The following SLC39A11 variants were observed in gnomAD, a reference collection of about 807,000 sequenced individuals.
The protein encoded by SLC39A11 is zinc transporter ZIP11.
A neutral mutation model predicts 36.1 loss-of-function variants in SLC39A11; 33 were observed. The observed-to-expected ratio is 0.91, with a 90% CI of 0.69 to 1.22. The LOEUF is 1.22. Among genes scored for constraint, SLC39A11 ranks in the 50% most tolerant of loss-of-function variants. The pLI is 0.00. For missense variants in SLC39A11, 432 were observed against 430.3 expected (o/e 1.00, Z -0.03); for synonymous variants, 166 against 170.3 (o/e 0.97, Z 0.20).
chr17:72,925,936 T>A (rs995980475), intron 5 of SLC39A11, among the ~76,000 whole-genome samples: 8 of 152,234 alleles, frequency 5.3e-5, no homozygotes, highest in Non-Finnish European at 1.0e-4. Context: ...CCACTGAGAT[T>A]TGAGGTTTCC....
intron 3 of SLC39A11, among the ~76,000 whole-genome samples, chr17:73,051,971 G>A (rs776180270): frequency 2.0e-5 from 3 of 151,714 alleles, no homozygotes; most frequent in Admixed American, 1.3e-4. Flanking sequence ...ATTCAGACCC[G>A]TGTCACCTCT....
At chr17:72,951,382 G>A (rs1053465842) in intron 4 of SLC39A11, among the ~76,000 whole-genome samples, 22 of 151,824 alleles carry the variant, frequency 1.4e-4, no homozygotes, top group African/African-American at 5.1e-4. Flanking sequence ...GAAACTCACA[G>A]ACCCTCTTTT....
intron 4 of SLC39A11, among the ~76,000 whole-genome samples, chr17:72,993,919 C>CA (rs2089341310): frequency 6.6e-6 from 1 of 152,144 alleles, no homozygotes; most frequent in Non-Finnish European, 1.5e-5. Context: ...CCACAATTCC[C>CA]ACATGTCCTG....
At chr17:72,693,660 C>T (rs758488448) in intron 7 of SLC39A11, among the ~76,000 whole-genome samples, 1 of 152,154 alleles carries the variant, frequency 6.6e-6, no homozygotes, top group African/African-American at 2.4e-5. Flanking sequence ...CAGCCCGCAG[C>T]TGCCACAATC....
chr17:72,861,668 T>C (rs2080013029), intron 5 of SLC39A11, among the ~76,000 whole-genome samples: 1 of 107,146 alleles, frequency 9.3e-6, no homozygotes, highest in Non-Finnish European at 1.9e-5. Flanking sequence ...TATATATATA[T>C]ATATATATAT....
At chr17:72,736,892 CCTT>C (rs1443644156) in intron 6 of SLC39A11, among the ~76,000 whole-genome samples, 173 bp from the exon 7 acceptor site, 1 of 152,150 alleles carries the variant, frequency 6.6e-6, no homozygotes, top group Non-Finnish European at 1.5e-5. Flanking sequence ...ATGGCTGCTG[CCTT>C]CTTCTCTATG....
At chr17:72,833,947 G>A (rs1266457491) in intron 6 of SLC39A11, among the ~76,000 whole-genome samples, 1 of 152,192 alleles carries the variant, frequency 6.6e-6, no homozygotes, top group African/African-American at 2.4e-5. Context: ...GAAACAATGT[G>A]AAAAGGCTGA....
At chr17:72,882,393 T>G (rs1466143174) in intron 5 of SLC39A11, among the ~76,000 whole-genome samples, 2 of 151,386 alleles carry the variant, frequency 1.3e-5, no homozygotes, top group East Asian at 3.9e-4. Context: ...CTCTTTCAAC[T>G]TTCTTTAGGA....
intron 1 of SLC39A11, 61 bp from the exon 2 acceptor site, chr17:73,088,836 T>A (rs2060830912): frequency 1.9e-5 from 24 of 1,237,802 alleles, no homozygotes; most frequent in Non-Finnish European, 2.7e-5. Context: ...AGGCGCATAT[T>A]CTGACGGGTC....
At chr17:73,025,406 T>C (rs1045592595) in intron 4 of SLC39A11, among the ~76,000 whole-genome samples, 1 of 152,254 alleles carries the variant, frequency 6.6e-6, no homozygotes, top group Non-Finnish European at 1.5e-5. Flanking sequence ...ACAGACAGTA[T>C]GTTGCCATTT....
rs2143802237 is a variant in SLC39A11 at position 72,646,860 on chromosome 17, CTCTG to C, written c.*720_*723del. The C allele has an allele frequency of 6.6e-6, 1 of 152,084 alleles. No homozygotes were observed. Among genetic ancestry groups the C allele is most frequent in the African/African-American group, 2.4e-5 (1 of 41,390 alleles). The allele number at this position is 152,084 out of a possible 1,614,324, so 9.4% of individuals were successfully genotyped here. A position where few individuals can be genotyped will look rare whatever the true frequency, so the allele number is the denominator to read the frequency against. ...GCAGAGGCCTCCGAACAAACCCACA[CTCTG>C]TCTGTCTCTTCTTTCCACAGGGCTC... is the stretch of plus-strand genomic sequence containing the variant. On this transcript the variant is annotated 3_prime_UTR_variant, in exon 10 of 10. Coordinates refer to ENST00000255559, the MANE Select transcript of SLC39A11 (RefSeq NM_139177.4).
intron 6 of SLC39A11, among the ~76,000 whole-genome samples, chr17:72,846,513 G>A (rs1007283076): frequency 3.3e-5 from 5 of 152,158 alleles, no homozygotes; most frequent in African/African-American, 1.2e-4. Context: ...CCTGTTTCTG[G>A]CTTTATTCCA....
intron 6 of SLC39A11, chr17:72,838,957 T>C (rs1257388059): frequency 6.6e-6 from 1 of 152,204 alleles, no homozygotes; most frequent in Non-Finnish European, 1.5e-5. Flanking sequence ...ACTGCACATG[T>C]ATAAGCTAAG....
chr17:72,804,889 G>A (rs12936448), intron 6 of SLC39A11, among the ~76,000 whole-genome samples: 2,026 of 152,150 alleles, frequency 0.013, 27 homozygotes, highest in African/African-American at 0.03. Flanking sequence ...GCGTGGTGGC[G>A]TGCACCTTTA....
intron 7 of SLC39A11, among the ~76,000 whole-genome samples, chr17:72,704,975 C>T (rs923404020): frequency 6.6e-6 from 1 of 152,160 alleles, no homozygotes; most frequent in Admixed American, 6.5e-5. Flanking sequence ...GCCATCTTAA[C>T]ACCATTAGAA....
At chr17:72,852,204 C>CAATA (rs1491564570) in intron 5 of SLC39A11, among the ~76,000 whole-genome samples, 2 of 39,908 alleles carry the variant, frequency 5.0e-5, no homozygotes, top group African/African-American at 1.4e-4. Context: ...GACTCCGTCT[C>CAATA]AAAAAAAAAA....
At chr17:72,790,803 G>A (rs2076676478) in intron 6 of SLC39A11, among the ~76,000 whole-genome samples, 1 of 152,152 alleles carries the variant, frequency 6.6e-6, no homozygotes, top group Non-Finnish European at 1.5e-5. Flanking sequence ...AAAGTGCTGG[G>A]ATTACAGGTG....
At position 72,732,770 on chromosome 17, in the gene SLC39A11, TTA is replaced by T. The variant is rs201022533; in HGVS notation, c.671+3878_671+3879del. Among the ~76,000 whole-genome samples the T allele has an allele frequency of 5.1e-3, 779 of 152,284 alleles. 8 individuals carry two copies. Among genetic ancestry groups the T allele is most frequent in the Middle Eastern group, 0.024 (7 of 294 alleles). On this transcript the variant is annotated intron_variant, in intron 7 of 9. Transcript: ENST00000255559. ...TTAGGGCTTTGTGTAGGTAAGGACTTTATGTTTGTTCCTGCTAGAGCCTGAAA... is the reference window on the plus strand; with the variant it reads ...TTAGGGCTTTGTGTAGGTAAGGACTTTGTTTGTTCCTGCTAGAGCCTGAAA...
intron 4 of SLC39A11, among the ~76,000 whole-genome samples, chr17:73,009,291 C>T (rs1372971411): frequency 1.4e-5 from 2 of 145,996 alleles, no homozygotes; most frequent in Non-Finnish European, 3.0e-5. Context: ...ATGGCGTGAG[C>T]TTGCAGTGAG....
Sources: allele counts gnomAD v4.1 joint callset (sites outside exome capture counted in the v4.1 genomes callset), GRCh38; gene constraint gnomAD v4.1.1; transcripts MANE v1.5; gene names NCBI Gene and HGNC (gene_info 2026-07-23, HGNC 2026-07-21).